The following CCDC91 variants were observed in gnomAD, a reference collection of about 807,000 sequenced individuals.
The protein encoded by CCDC91 is coiled-coil domain-containing protein 91.
Under a neutral mutation model 63.2 loss-of-function variants are expected in CCDC91, and 48 were observed. The ratio of observed to expected loss-of-function variants is 0.76; its 90% CI spans 0.60 to 0.97. The LOEUF (loss-of-function observed/expected upper bound fraction) is 0.97. Among genes scored for constraint, CCDC91 ranks in the 50% least tolerant of loss-of-function variants. The probability of loss-of-function intolerance (pLI) is 0.00; values close to 1 mark genes in which losing one functional copy is unlikely to be tolerated. For synonymous variants in CCDC91, 167 were observed against 165.8 expected (o/e 1.01, Z -0.06); for missense variants, 500 against 494.6 (o/e 1.01, Z -0.10).
intron 8 of CCDC91, among the ~76,000 whole-genome samples, chr12:28,408,978 G>C (rs538998203): frequency 3.9e-5 from 6 of 152,182 alleles, no homozygotes; most frequent in African/African-American, 1.2e-4. Flanking sequence ...AAAATTGTTA[G>C]TTTTAGCAGC....
chr12:28,397,069 C>T (rs886198423), intron 8 of CCDC91, among the ~76,000 whole-genome samples: 2 of 152,050 alleles, frequency 1.3e-5, no homozygotes, highest in African/African-American at 4.8e-5. Flanking sequence ...GAGACCTTAA[C>T]ATATAAGGGA....
rs528797162 is a variant in CCDC91 at position 28,200,163 on chromosome 12, T to C, written c.-15+9522T>C. 6.6e-5 allele frequency among the ~76,000 whole-genome samples: 10 copies of C among 152,132 alleles called. No homozygotes were observed. In the South Asian group the frequency reaches 2.1e-3, roughly 32 times the overall value. ...TTTTCATTCTGTTCCTTAGCCTGGA[T>C]AATCTCAATTGACCTATCTTCAAGT... On this transcript the variant is annotated intron_variant, in intron 1 of 12. Coordinates refer to ENST00000536442, the MANE Select transcript of CCDC91 (RefSeq NM_018318.5).
intron 8 of CCDC91, among the ~76,000 whole-genome samples, chr12:28,432,041 T>C (rs1338308492): frequency 6.6e-6 from 1 of 152,094 alleles, no homozygotes; most frequent in Non-Finnish European, 1.5e-5. Flanking sequence ...TTAGGTTTTC[T>C]CTGTGGCTTG....
chr12:28,425,845 G>A (rs1948284810), intron 8 of CCDC91, among the ~76,000 whole-genome samples: 1 of 152,152 alleles, frequency 6.6e-6, no homozygotes, highest in Non-Finnish European at 1.5e-5. Context: ...AACTCTGCAT[G>A]TGGACCCATC....
chr12:28,345,602 A>G (rs1942753315), intron 6 of CCDC91, among the ~76,000 whole-genome samples: 1 of 152,142 alleles, frequency 6.6e-6, no homozygotes, highest in Non-Finnish European at 1.5e-5. Context: ...ACAAATAAAC[A>G]TAGTTTAAAG....
chr12:28,397,209 A>C (rs1437598991), intron 8 of CCDC91, among the ~76,000 whole-genome samples: 2 of 152,184 alleles, frequency 1.3e-5, no homozygotes, highest in African/African-American at 4.8e-5. Flanking sequence ...AGATAAGGAC[A>C]CATAAATGAC....
intron 8 of CCDC91, among the ~76,000 whole-genome samples, chr12:28,435,255 T>C (rs1035256611): frequency 6.6e-6 from 1 of 151,810 alleles, no homozygotes; most frequent in Non-Finnish European, 1.5e-5. Flanking sequence ...GCTAAAAATA[T>C]ATTCTGGGCA....
intron 11 of CCDC91, among the ~76,000 whole-genome samples, chr12:28,459,845 G>C (rs1416059700): frequency 6.6e-6 from 1 of 152,126 alleles, no homozygotes; most frequent in Admixed American, 6.6e-5. Context: ...AAGATACCAT[G>C]TTTTAAAAGA....
chr12:28,395,599 T>A (rs1592541462), intron 8 of CCDC91, among the ~76,000 whole-genome samples: 1 of 152,164 alleles, frequency 6.6e-6, no homozygotes, highest in East Asian at 1.9e-4. Flanking sequence ...AAGAAATACA[T>A]AGGACAAGTT....
chr12:28,475,563 C>T (rs1451465874), intron 11 of CCDC91, among the ~76,000 whole-genome samples: 1 of 152,022 alleles, frequency 6.6e-6, no homozygotes, highest in East Asian at 1.9e-4. Flanking sequence ...TACAGAACAA[C>T]TTTAAAATTA....
chr12:28,384,177 C>T (rs10506032), intron 7 of CCDC91, among the ~76,000 whole-genome samples: 32,725 of 151,770 alleles, frequency 0.22, 4,235 homozygotes, highest in Non-Finnish European at 0.3. Flanking sequence ...GTAAGTATTG[C>T]AGAAGAAATG....
chr12:28,410,054 T>C (rs1947221563), intron 8 of CCDC91, among the ~76,000 whole-genome samples: 1 of 152,160 alleles, frequency 6.6e-6, no homozygotes. Flanking sequence ...TTTTTTGGTG[T>C]CTTGTCAAGT....
intron 3 of CCDC91, among the ~76,000 whole-genome samples, chr12:28,290,873 G>A (rs1262201046): frequency 6.6e-6 from 1 of 152,080 alleles, no homozygotes; most frequent in Non-Finnish European, 1.5e-5. Flanking sequence ...TGGTTAAAAT[G>A]TTAAGTTTTT....
chr12:28,470,468 C>A (rs1362979957), intron 11 of CCDC91, among the ~76,000 whole-genome samples: 2 of 152,030 alleles, frequency 1.3e-5, no homozygotes, highest in East Asian at 1.9e-4. Flanking sequence ...GAAAGGGGAA[C>A]CCTCATACAC....
At chr12:28,467,504 A>G (rs1015348498) in intron 11 of CCDC91, among the ~76,000 whole-genome samples, 2 of 152,064 alleles carry the variant, frequency 1.3e-5, no homozygotes, top group African/African-American at 2.4e-5. Context: ...CTCCAGTAAA[A>G]TAGTAGCTGA....
chr12:28,370,059 C>A (rs948566717), intron 7 of CCDC91, among the ~76,000 whole-genome samples: 1 of 152,222 alleles, frequency 6.6e-6, no homozygotes, highest in South Asian at 2.1e-4. Context: ...TATAAACATT[C>A]AACTCCTTGT....
intron 3 of CCDC91, among the ~76,000 whole-genome samples, chr12:28,268,046 T>A (rs1947471733): frequency 7.2e-6 from 1 of 138,074 alleles, no homozygotes; most frequent in Admixed American, 8.0e-5. Context: ...TAATTAAAAA[T>A]TAAAAATTAA....
At chr12:28,513,890 C>T (rs2141316501) in intron 12 of CCDC91, among the ~76,000 whole-genome samples, 1 of 151,964 alleles carries the variant, frequency 6.6e-6, no homozygotes. Flanking sequence ...GACTCCATGT[C>T]TTTGCTATTG....
intron 6 of CCDC91, among the ~76,000 whole-genome samples, chr12:28,357,799 G>C (rs1327499003): frequency 6.6e-6 from 1 of 151,796 alleles, no homozygotes; most frequent in African/African-American, 2.4e-5. Context: ...GTCTTTTTTT[G>C]CTTAAAAAAT....
Sources: gnomAD v4.1 joint callset for allele counts (sites outside exome capture counted in the v4.1 genomes callset) on GRCh38, gnomAD v4.1.1 for gene constraint, MANE v1.5 for transcripts, NCBI Gene and HGNC (gene_info 2026-07-23, HGNC 2026-07-21) for gene names.